NKAIN2: variants seen among roughly 807,000 people sequenced by gnomAD.
The protein encoded by NKAIN2 is sodium/potassium-transporting ATPase subunit beta-1-interacting protein 2.
A neutral mutation model predicts 32.6 loss-of-function variants in NKAIN2; 14 were observed. The ratio of observed to expected loss-of-function variants is 0.43; its 90% CI spans 0.28 to 0.67. The LOEUF (loss-of-function observed/expected upper bound fraction) is 0.67. Ranked by LOEUF, NKAIN2 falls within the 30% of genes least tolerant of loss-of-function variation. NKAIN2 has a pLI of 0.17. For missense variants in NKAIN2, 198 were observed against 258.3 expected, an observed-to-expected ratio of 0.77 and a Z score of 1.60; for synonymous variants, 80 against 87.2, an observed-to-expected ratio of 0.92 and a Z score of 0.46.
intron 3 of NKAIN2, among the ~76,000 whole-genome samples, chr6:124,480,682 A>T (rs2114698644): frequency 6.6e-6 from 1 of 151,768 alleles, no homozygotes; most frequent in Admixed American, 6.6e-5. Context: ...CCTCTATTTG[A>T]ATTTGCTTTG....
Position 124,824,667 on chromosome 6 carries a change from T to C in NKAIN2, c.*1438T>C, listed in dbSNP as rs922163289. 3 of 152,220 alleles carry C rather than the reference T, an allele frequency of 2.0e-5. No homozygotes were observed. The highest frequency in any genetic ancestry group is 4.4e-5 in the Non-Finnish European group (3 of 68,034). 9.4% of individuals were successfully genotyped at this position (152,220 alleles called of 1,614,324 possible). A position where few individuals can be genotyped will look rare whatever the true frequency, so the allele number is the denominator to read the frequency against. ...CAGATGAGTCATATTTTTTCTTGGA[T>C]ACACCTGAGACATTAAACTCAATTT... On this transcript the variant is annotated 3_prime_UTR_variant, in exon 7 of 7. Coordinates refer to ENST00000368417, the MANE Select transcript of NKAIN2 (RefSeq NM_001040214.3).
At chr6:124,045,585 A>T (rs895908432) in intron 1 of NKAIN2, among the ~76,000 whole-genome samples, 1 of 151,992 alleles carries the variant, frequency 6.6e-6, no homozygotes, top group Non-Finnish European at 1.5e-5. Context: ...CTCAAAATTA[A>T]GCACTTAATG....
At chr6:124,468,844 A>C (rs554678584) in intron 3 of NKAIN2, among the ~76,000 whole-genome samples, 1 of 152,316 alleles carries the variant, frequency 6.6e-6, no homozygotes, top group South Asian at 2.1e-4. Flanking sequence ...CCAAACTCAA[A>C]ATGTGCCTAG....
At chr6:124,548,545 A>C (rs1233255585) in intron 3 of NKAIN2, among the ~76,000 whole-genome samples, 1 of 152,332 alleles carries the variant, frequency 6.6e-6, no homozygotes, top group South Asian at 2.1e-4. Context: ...GGAGAAAACT[A>C]GGATCCTTCA....
chr6:124,486,710 T>C (rs6901315), intron 3 of NKAIN2, among the ~76,000 whole-genome samples: 33,390 of 152,040 alleles, frequency 0.22, 3,761 homozygotes, highest in Middle Eastern at 0.24. Context: ...GGAAAGCTTA[T>C]TCCTGGCTTC....
intron 4 of NKAIN2, among the ~76,000 whole-genome samples, chr6:124,727,179 A>C (rs1338554771): frequency 6.6e-6 from 1 of 151,066 alleles, no homozygotes; most frequent in African/African-American, 2.4e-5. Flanking sequence ...AAGGCAGGCC[A>C]ACGTTCAGAT....
chr6:124,069,158 G>T (rs184728375), intron 1 of NKAIN2, among the ~76,000 whole-genome samples: 3 of 152,054 alleles, frequency 2.0e-5, no homozygotes, highest in Non-Finnish European at 4.4e-5. Flanking sequence ...TCATGTTTCT[G>T]TATTTTACTT....
At chr6:124,579,969 A>G (rs1781464091) in intron 3 of NKAIN2, among the ~76,000 whole-genome samples, 1 of 152,216 alleles carries the variant, frequency 6.6e-6, no homozygotes, top group Admixed American at 6.5e-5. Flanking sequence ...TTTATCCTAG[A>G]ATAATATATT....
At chr6:124,356,601 C>T (rs1438467198) in intron 3 of NKAIN2, among the ~76,000 whole-genome samples, 2 of 152,134 alleles carry the variant, frequency 1.3e-5, no homozygotes, top group Non-Finnish European at 2.9e-5. Context: ...GTTCCCCACA[C>T]TCTGGTTAGC....
intron 1 of NKAIN2, among the ~76,000 whole-genome samples, chr6:124,183,752 C>A (rs963696383): frequency 1.3e-5 from 2 of 152,078 alleles, no homozygotes; most frequent in Admixed American, 6.6e-5. Flanking sequence ...TTTCATATAA[C>A]TATAAAATAT....
chr6:124,160,142 T>A (rs1788197424), intron 1 of NKAIN2, among the ~76,000 whole-genome samples: 1 of 152,086 alleles, frequency 6.6e-6, no homozygotes, highest in East Asian at 1.9e-4. Flanking sequence ...ATATACCTAG[T>A]GAGAAATCTG....
chr6:123,962,711 A>G (rs905520749), intron 1 of NKAIN2, among the ~76,000 whole-genome samples: 5 of 152,130 alleles, frequency 3.3e-5, no homozygotes, highest in African/African-American at 9.7e-5. Context: ...GCACAACCCC[A>G]CACATTATGT....
chr6:124,484,460 A>G (rs1777574704), intron 3 of NKAIN2, among the ~76,000 whole-genome samples: 1 of 152,204 alleles, frequency 6.6e-6, no homozygotes, highest in South Asian at 2.1e-4. Context: ...TATGAAACAC[A>G]AATAGGCTCC....
chr6:124,659,058 C>T (rs1483711538), intron 4 of NKAIN2: 1 of 151,184 alleles, frequency 6.6e-6, no homozygotes, highest in Non-Finnish European at 1.5e-5. Context: ...CATGATTTAA[C>T]ATTGTATTAC....
intron 4 of NKAIN2, among the ~76,000 whole-genome samples, chr6:124,697,960 G>T (rs1312034068): frequency 3.9e-5 from 6 of 152,088 alleles, no homozygotes; most frequent in African/African-American, 1.2e-4. Context: ...GTTTGATGGG[G>T]TTGTACGATC....
At chr6:124,644,468 G>A (rs1192984979) in intron 3 of NKAIN2, among the ~76,000 whole-genome samples, 3 of 150,926 alleles carry the variant, frequency 2.0e-5, no homozygotes, top group African/African-American at 2.4e-5. Context: ...GTAGTGGCAC[G>A]ATTTCGGCTT....
chr6:123,938,506 A>T (rs1776655610), intron 1 of NKAIN2, among the ~76,000 whole-genome samples: 2 of 135,912 alleles, frequency 1.5e-5, no homozygotes, highest in Non-Finnish European at 3.1e-5. Flanking sequence ...TTTATATATA[A>T]TATATTATAT....
intron 3 of NKAIN2, among the ~76,000 whole-genome samples, chr6:124,633,718 A>C (rs533823276): frequency 1.0e-3 from 155 of 152,312 alleles, no homozygotes; most frequent in Non-Finnish European, 2.0e-3. Context: ...ATTCAATTTT[A>C]TTGACAAGTT....
At chr6:123,851,994 A>T (rs1775367434) in intron 1 of NKAIN2, among the ~76,000 whole-genome samples, 1 of 151,990 alleles carries the variant, frequency 6.6e-6, no homozygotes, top group Admixed American at 6.6e-5. Context: ...TTTGTTGCTT[A>T]TGCTTTTGGG....
Sources: allele counts gnomAD v4.1 joint callset (sites outside exome capture counted in the v4.1 genomes callset), GRCh38; gene constraint gnomAD v4.1.1; transcripts MANE v1.5; gene names NCBI Gene and HGNC (gene_info 2026-07-23, HGNC 2026-07-21).